NEDD4L: variants seen among roughly 807,000 people sequenced by gnomAD.
The protein encoded by NEDD4L is E3 ubiquitin-protein ligase NEDD4-like.
A neutral mutation model predicts 148.9 loss-of-function variants in NEDD4L; 54 were observed. That is an observed-to-expected ratio of 0.36 (90% CI 0.29 to 0.45). NEDD4L has a LOEUF of 0.45. Ranked by LOEUF, NEDD4L falls within the 20% of genes least tolerant of loss-of-function variation. The pLI is 1.00. For missense variants in NEDD4L, 856 were observed against 1,233.8 expected (o/e 0.69, Z 4.59); for synonymous variants, 433 against 440.7 (o/e 0.98, Z 0.22).
At chr18:58,063,815 A>G (rs1038923845) in intron 1 of NEDD4L, among the ~76,000 whole-genome samples, 1 of 151,826 alleles carries the variant, frequency 6.6e-6, no homozygotes, top group African/African-American at 2.4e-5. Context: ...CGGCCTCCCA[A>G]AGTGCTGGGA....
At chr18:58,099,041 TC>T (rs2084597538) in intron 1 of NEDD4L, among the ~76,000 whole-genome samples, 1 of 151,590 alleles carries the variant, frequency 6.6e-6, no homozygotes, top group Non-Finnish European at 1.5e-5. Context: ...CTATCTTTTT[TC>T]TAGCTCCACA....
intron 1 of NEDD4L, among the ~76,000 whole-genome samples, chr18:58,109,754 G>T (rs1050889735): frequency 6.6e-6 from 1 of 151,950 alleles, no homozygotes; most frequent in Non-Finnish European, 1.5e-5. Flanking sequence ...ATTTTTAGTA[G>T]AGACGGGGTT....
chr18:58,163,340 A>C (rs1421315729), intron 1 of NEDD4L, among the ~76,000 whole-genome samples: 5 of 152,228 alleles, frequency 3.3e-5, no homozygotes, highest in Non-Finnish European at 4.4e-5. Context: ...TGTGAGAACC[A>C]GAAAAGAGCC....
intron 30 of NEDD4L, among the ~76,000 whole-genome samples, chr18:58,395,005 T>C (rs2050305111): frequency 6.6e-6 from 1 of 152,230 alleles, no homozygotes; most frequent in African/African-American, 2.4e-5. Context: ...CCTGGCCCCG[T>C]GTGACCTTGG....
intron 2 of NEDD4L, among the ~76,000 whole-genome samples, chr18:58,244,701 G>C (rs1032411098): frequency 6.6e-6 from 1 of 151,576 alleles, no homozygotes. Context: ...CTTTTTTTTG[G>C]GGGGAGGGTG....
chr18:58,267,500 G>A (rs970417688), intron 5 of NEDD4L, among the ~76,000 whole-genome samples: 12 of 152,138 alleles, frequency 7.9e-5, no homozygotes, highest in African/African-American at 2.6e-4. Context: ...AGTGCATGTC[G>A]CCTTAGTATG....
At chr18:58,165,710 A>G (rs1048612842) in intron 1 of NEDD4L, 78 bp from the exon 2 acceptor site, 6 of 1,522,034 alleles carry the variant, frequency 3.9e-6, no homozygotes, top group African/African-American at 1.4e-5. Context: ...GTAGAAATCA[A>G]TTACTTTAAT....
At chr18:58,386,307 T>C (rs1474353526) in intron 26 of NEDD4L, among the ~76,000 whole-genome samples, 2 of 152,104 alleles carry the variant, frequency 1.3e-5, no homozygotes, top group Non-Finnish European at 1.5e-5. Flanking sequence ...CGCCCCGGCC[T>C]CCCAAAGTGC....
chr18:58,385,204 A>C (rs1369576512), intron 25 of NEDD4L, among the ~76,000 whole-genome samples: 2 of 152,152 alleles, frequency 1.3e-5, no homozygotes, highest in Admixed American at 1.3e-4. Context: ...CCTTTTCTCC[A>C]TGTTGTCACA....
intron 16 of NEDD4L, among the ~76,000 whole-genome samples, chr18:58,344,466 T>G (rs2042805005): frequency 6.6e-6 from 1 of 152,182 alleles, no homozygotes; most frequent in Non-Finnish European, 1.5e-5. Context: ...AGAAATGCCC[T>G]ACACATTTCA....
At chr18:58,091,712 A>T (rs980010399) in intron 1 of NEDD4L, 1 of 152,254 alleles carries the variant, frequency 6.6e-6, no homozygotes, top group Admixed American at 6.5e-5. Flanking sequence ...TCTAGCAGCT[A>T]GTAAAAGGAG....
At chr18:58,295,690 C>T (rs1465312631) in intron 5 of NEDD4L, among the ~76,000 whole-genome samples, 8 of 152,000 alleles carry the variant, frequency 5.3e-5, no homozygotes, top group Admixed American at 2.6e-4. Context: ...GTTAGAGTGC[C>T]GTGCTGCGTG....
chr18:58,280,404 T>C (rs73437225), intron 5 of NEDD4L, among the ~76,000 whole-genome samples: 7,181 of 152,174 alleles, frequency 0.047, 529 homozygotes, highest in African/African-American at 0.16. Flanking sequence ...GAGAGCTTTC[T>C]GGGCAGGGGT....
intron 16 of NEDD4L, among the ~76,000 whole-genome samples, chr18:58,345,199 A>G (rs780656458): frequency 3.9e-5 from 6 of 152,188 alleles, no homozygotes; most frequent in Non-Finnish European, 5.9e-5. Flanking sequence ...ACAACTGGAA[A>G]TTCCACAAGC....
In NEDD4L at chr18:58,385,516, T is replaced by C. The variant is rs2048897502; in HGVS notation, c.2427-10T>C. ...GAGGTGGTTCAATATTGTCCTCTTT[T>C]CTCCTGCAGCTTAGTCATCCAGTGG... On this transcript the variant is annotated splice_polypyrimidine_tract_variant and intron_variant, in intron 25 of 30. Coordinates refer to ENST00000400345, the MANE Select transcript of NEDD4L (RefSeq NM_001144967.3). 1 of 1,611,986 alleles carries C rather than the reference T, an allele frequency of 6.2e-7. No homozygotes were observed.
At chr18:58,059,471 A>G (rs138586793) in intron 1 of NEDD4L, among the ~76,000 whole-genome samples, 61 of 152,270 alleles carry the variant, frequency 4.0e-4, no homozygotes, top group Non-Finnish European at 6.8e-4. Flanking sequence ...GCTTGAAACC[A>G]ATGTTTCTTT....
chr18:58,060,604 AG>A (rs1345162232), intron 1 of NEDD4L, among the ~76,000 whole-genome samples: 1 of 152,182 alleles, frequency 6.6e-6, no homozygotes, highest in Non-Finnish European at 1.5e-5. Context: ...GTACAAAAAA[AG>A]GGAGGTGTCT....
intron 1 of NEDD4L, among the ~76,000 whole-genome samples, chr18:58,097,430 A>G (rs1219852526): frequency 6.6e-6 from 1 of 152,238 alleles, no homozygotes; most frequent in African/African-American, 2.4e-5. Flanking sequence ...GTGATACAGC[A>G]CCAGGCAAAG....
rs181547796 is a variant in NEDD4L at position 58,058,143 on chromosome 18, T to G, written c.48+13435T>G. Reference sequence around the variant, plus strand: ...CAATATGGTGAAACCCCGTCTCTACTAAAAATACAAAAATTAGCTGGGTGT... The same window carrying G: ...CAATATGGTGAAACCCCGTCTCTACGAAAAATACAAAAATTAGCTGGGTGT... On this transcript the variant is annotated intron_variant, in intron 1 of 30. Transcript: ENST00000400345. Among the ~76,000 whole-genome samples the G allele has an allele frequency of 5.0e-3, 760 of 152,208 alleles. 24 individuals carry two copies. Among genetic ancestry groups the G allele is most frequent in the Admixed American group, 0.044 (679 of 15,290 alleles).
Sources: allele counts gnomAD v4.1 joint callset (sites outside exome capture counted in the v4.1 genomes callset), GRCh38; gene constraint gnomAD v4.1.1; transcripts MANE v1.5; gene names NCBI Gene and HGNC (gene_info 2026-07-23, HGNC 2026-07-21).